The following CECR2 variants were observed in gnomAD, a reference collection of about 807,000 sequenced individuals.
CECR2 encodes CECR2 histone acetyl-lysine reader.
CECR2 carries 30 observed loss-of-function variants against 154.5 expected under a neutral mutation model. That is an observed-to-expected ratio of 0.19 (90% CI 0.15 to 0.26). The LOEUF (loss-of-function observed/expected upper bound fraction) is 0.26, where lower values mean the gene tolerates loss of function less well. Ranked by LOEUF, CECR2 falls within the 10% of genes least tolerant of loss-of-function variation. The pLI is 1.00. For synonymous variants in CECR2, 725 were observed against 683.7 expected, an observed-to-expected ratio of 1.06 and a Z score of -0.94; for missense variants, 1,743 against 1,829.3, an observed-to-expected ratio of 0.95 and a Z score of 0.86.
At chr22:17,536,987 T>G in intron 9 of CECR2, 116 bp from the exon 10 acceptor site, 1 of 1,223,698 alleles carries the variant, frequency 8.2e-7, no homozygotes, top group African/African-American at 1.5e-5. Flanking sequence ...GAGCAGAAGT[T>G]GCTTCATAAT....
chr22:17,523,771 A>C (rs1002884267), intron 8 of CECR2, among the ~76,000 whole-genome samples: 3 of 150,520 alleles, frequency 2.0e-5, no homozygotes, highest in East Asian at 1.9e-4. Context: ...AAAAAAAAAA[A>C]AAAAGAAAAA....
chr22:17,445,053 T>C (rs117061666), intron 1 of CECR2, among the ~76,000 whole-genome samples: 1 of 152,254 alleles, frequency 6.6e-6, no homozygotes, highest in African/African-American at 2.4e-5. Context: ...TTTGCTACTT[T>C]TATATCCTTA....
Position 17,471,132 on chromosome 22 carries a change from A to G in CECR2, c.127-6456A>G, listed in dbSNP as rs995713843. On this transcript the variant is annotated intron_variant, in intron 1 of 18. Coordinates refer to ENST00000262608, the MANE Select transcript of CECR2 (RefSeq NM_001290047.2). ...AACAGCAATACAAAGTCAAAGTAAA[A>G]CTCTAGGAACCTGTGCCATTTTTAC... Among the ~76,000 whole-genome samples, 3 of 152,216 alleles carry G rather than the reference A, an allele frequency of 2.0e-5. No homozygotes were observed. The South Asian group carries it at 6.2e-4, about 32-fold the overall frequency.
chr22:17,481,777 G>A (rs972305028), intron 2 of CECR2, among the ~76,000 whole-genome samples: 1 of 152,166 alleles, frequency 6.6e-6, no homozygotes, highest in Non-Finnish European at 1.5e-5. Context: ...TGGTTATGGT[G>A]ATGCTGGTGT....
intron 1 of CECR2, among the ~76,000 whole-genome samples, chr22:17,391,774 C>T (rs1231064551): frequency 6.6e-6 from 1 of 152,078 alleles, no homozygotes; most frequent in Non-Finnish European, 1.5e-5. Flanking sequence ...ATATAGTGTG[C>T]TTATGTGGAT....
intron 9 of CECR2, among the ~76,000 whole-genome samples, chr22:17,528,643 A>C (rs2056304118): frequency 6.6e-6 from 1 of 151,956 alleles, no homozygotes; most frequent in South Asian, 2.1e-4. Context: ...TCAAGTGATT[A>C]CCATGCCTCA....
intron 9 of CECR2, among the ~76,000 whole-genome samples, chr22:17,535,035 C>CT (rs2056417089): frequency 6.6e-6 from 1 of 151,910 alleles, no homozygotes; most frequent in Admixed American, 6.6e-5. Flanking sequence ...CCTGTAGTCC[C>CT]AGCTATTCGG....
intron 1 of CECR2, among the ~76,000 whole-genome samples, chr22:17,427,845 G>T (rs1164348582): frequency 2.6e-5 from 4 of 152,074 alleles, no homozygotes; most frequent in African/African-American, 9.7e-5. Context: ...TGACCCAGAA[G>T]CCCAGCTGGC....
intron 1 of CECR2, among the ~76,000 whole-genome samples, chr22:17,447,033 C>CTGGTTTT (rs1339121774): frequency 8.8e-6 from 1 of 114,110 alleles, no homozygotes; most frequent in Non-Finnish European, 1.7e-5. Context: ...CGTTTACAAT[C>CTGGTTTT]TTTTTTTTTT....
Position 17,509,427 on chromosome 22 carries a change from C to CTT in CECR2, c.871-2373_871-2372dup, listed in dbSNP as rs11389089. ...CATTCCATTTCACCTTGTTTCTTTT[C>CTT]TTTTTTTTTTTTTTAAACAGAGACA... is the stretch of plus-strand genomic sequence containing the variant. On this transcript the variant is annotated intron_variant, in intron 7 of 18. Transcript: ENST00000262608. Among the ~76,000 whole-genome samples the CTT allele has an allele frequency of 3.0e-3, 419 of 141,072 alleles. 2 individuals carry two copies. The highest frequency in any genetic ancestry group is 9.2e-3 in the African/African-American group (350 of 38,250). The allele number at this position is 141,072 out of a possible 152,430, so 92.5% of individuals were successfully genotyped here.
chr22:17,472,879 G>A (rs759893594), intron 1 of CECR2, among the ~76,000 whole-genome samples: 19 of 152,094 alleles, frequency 1.2e-4, no homozygotes, highest in African/African-American at 2.9e-4. Context: ...AATTATCTTC[G>A]TGTATTAGGC....
At chr22:17,508,040 G>A (rs957153013) in intron 7 of CECR2, among the ~76,000 whole-genome samples, 2 of 152,030 alleles carry the variant, frequency 1.3e-5, no homozygotes, top group South Asian at 2.1e-4. Context: ...ATCTTTGAAC[G>A]CCATACCTGA....
intron 2 of CECR2, among the ~76,000 whole-genome samples, chr22:17,480,419 T>TACACACACACACACACACACACAC (rs55977287): frequency 1.0e-4 from 14 of 137,426 alleles, no homozygotes; most frequent in East Asian, 8.7e-4. Flanking sequence ...TCATGTATAA[T>TACACACACACACACACACACACAC]ACACACACAC....
intron 2 of CECR2, among the ~76,000 whole-genome samples, chr22:17,489,137 T>G (rs915897317): frequency 6.6e-6 from 1 of 152,180 alleles, no homozygotes; most frequent in African/African-American, 2.4e-5. Context: ...TTTCACCATG[T>G]TAATCAAGCT....
chr22:17,455,530 G>A (rs981876182), intron 1 of CECR2, among the ~76,000 whole-genome samples: 3 of 152,142 alleles, frequency 2.0e-5, no homozygotes, highest in Non-Finnish European at 4.4e-5. Flanking sequence ...TCATTATAAT[G>A]TCTTTCTTGC....
At chr22:17,510,856 C>T (rs533581785) in intron 7 of CECR2, among the ~76,000 whole-genome samples, 19 of 152,280 alleles carry the variant, frequency 1.2e-4, no homozygotes, top group East Asian at 1.9e-4. Flanking sequence ...CCGCTCACCT[C>T]GGCCTCCCAA....
intron 1 of CECR2, among the ~76,000 whole-genome samples, chr22:17,431,638 ATATT>A (rs2054424385): frequency 6.6e-6 from 1 of 152,170 alleles, no homozygotes; most frequent in Non-Finnish European, 1.5e-5. Flanking sequence ...AAAGAAAACT[ATATT>A]TATATTTTGA....
chr22:17,456,182 A>T (rs1389471288), intron 1 of CECR2, among the ~76,000 whole-genome samples: 3 of 152,312 alleles, frequency 2.0e-5, no homozygotes, highest in African/African-American at 7.2e-5. Flanking sequence ...TGTACCATTG[A>T]TAAAAATACT....
intron 1 of CECR2, among the ~76,000 whole-genome samples, chr22:17,385,846 T>C (rs2063253029): frequency 6.6e-6 from 1 of 152,200 alleles, no homozygotes; most frequent in South Asian, 2.1e-4. Context: ...GAACCGCTGA[T>C]GGTAGTGGTA....
Sources: gnomAD v4.1 joint callset for allele counts (sites outside exome capture counted in the v4.1 genomes callset) on GRCh38, gnomAD v4.1.1 for gene constraint, MANE v1.5 for transcripts, NCBI Gene and HGNC (gene_info 2026-07-23, HGNC 2026-07-21) for gene names.